EDC3: variants seen among roughly 807,000 people sequenced by gnomAD.
EDC3 encodes enhancer of mRNA-decapping protein 3.
A neutral mutation model predicts 41.8 loss-of-function variants in EDC3; 20 were observed. The ratio of observed to expected loss-of-function variants is 0.48; its 90% CI spans 0.34 to 0.70. The LOEUF (loss-of-function observed/expected upper bound fraction) is 0.70, where lower values mean the gene tolerates loss of function less well. EDC3 is among the 30% of genes least tolerant of loss of function. The pLI is 0.01. For synonymous variants in EDC3, 206 were observed against 243.2 expected, an observed-to-expected ratio of 0.85 and a Z score of 1.42; for missense variants, 444 against 636.8, an observed-to-expected ratio of 0.70 and a Z score of 3.26.
intron 2 of EDC3, among the ~76,000 whole-genome samples, chr15:74,674,566 T>C (rs765530845): frequency 4.6e-5 from 7 of 151,998 alleles, no homozygotes; most frequent in African/African-American, 9.7e-5. Context: ...CCACAAAAGA[T>C]AGAGAAAGCA....
At chr15:74,635,305 C>G (rs773974589) in intron 6 of EDC3, 104 bp downstream of exon 6, 1 of 1,064,090 alleles carries the variant, frequency 9.4e-7, no homozygotes, top group South Asian at 1.3e-5. Flanking sequence ...ACCATCCTTA[C>G]ACACGTAGTG....
At chr15:74,676,456 A>C (rs553507480) in intron 1 of EDC3, among the ~76,000 whole-genome samples, 1 of 152,236 alleles carries the variant, frequency 6.6e-6, no homozygotes, top group African/African-American at 2.4e-5. Context: ...GAAAATATTA[A>C]TAAAGTTGGT....
chr15:74,678,990 A>G (rs866765500), intron 1 of EDC3, among the ~76,000 whole-genome samples: 7 of 150,464 alleles, frequency 4.7e-5, no homozygotes, highest in African/African-American at 1.5e-4. Flanking sequence ...CAGGAGTTCA[A>G]GACCAGCCTG....
In EDC3 at chr15:74,671,740, T is replaced by G; in HGVS notation, c.199A>C (p.Ile67Leu). ...GDITELKILE[I>L]PGPGDNQHFG... ...TGTTGGTTGTCTCCAGGTCCTGGTA[T>G]CTCCAGAATTTTTAACTCCGTAATG... is the stretch of plus-strand genomic sequence containing the variant. The change falls in exon 3 of 7, where the codon ATA (isoleucine) becomes CTA (leucine). Residue 67 changes from isoleucine (I) to leucine (L), a missense_variant. Transcript: ENST00000315127. The surrounding 1 kb of genome is among the most constrained non-coding windows in gnomAD (Gnocchi z 4.6). The G allele has an allele frequency of 3.1e-6, 5 of 1,614,124 alleles. No individual in the cohort carries two copies. Among genetic ancestry groups the G allele is most frequent in the Middle Eastern group, 1.6e-4 (1 of 6,062 alleles).
chr15:74,683,577 A>G (rs1296945222), intron 1 of EDC3, among the ~76,000 whole-genome samples: 1 of 152,014 alleles, frequency 6.6e-6, no homozygotes, highest in Non-Finnish European at 1.5e-5. Flanking sequence ...CATCTTGACC[A>G]TATCAATGTC....
chr15:74,684,141 G>A (rs557479753), intron 1 of EDC3, among the ~76,000 whole-genome samples: 6 of 140,318 alleles, frequency 4.3e-5, no homozygotes, highest in Non-Finnish European at 7.6e-5. Context: ...GGGCTCAGGT[G>A]ATCCTCCCGC....
chr15:74,656,441 A>AC (rs61494161), intron 3 of EDC3, among the ~76,000 whole-genome samples: 14 of 151,788 alleles, frequency 9.2e-5, no homozygotes, highest in South Asian at 6.2e-4. Context: ...ACACACACAC[A>AC]AACAACAACA....
intron 1 of EDC3, among the ~76,000 whole-genome samples, chr15:74,677,360 T>G (rs960269808): frequency 1.6e-4 from 21 of 133,964 alleles, no homozygotes; most frequent in Non-Finnish European, 3.2e-4. Context: ...ATGCCCAGCC[T>G]TTTTTTTTTT....
intron 3 of EDC3, among the ~76,000 whole-genome samples, chr15:74,657,957 A>G (rs2062571300): frequency 6.6e-6 from 1 of 152,186 alleles, no homozygotes. Context: ...TAGAGGCCAC[A>G]CTAATGCACA....
At chr15:74,688,162 GA>G (rs2062960798) in intron 1 of EDC3, among the ~76,000 whole-genome samples, 1 of 152,118 alleles carries the variant, frequency 6.6e-6, no homozygotes, top group Non-Finnish European at 1.5e-5. Context: ...ATTCTATAAA[GA>G]AAATTATGCT....
Position 74,671,840 on chromosome 15 carries a change from AT to A in EDC3, c.165-67del, listed in dbSNP as rs1359295136. On this transcript the variant is annotated intron_variant, in intron 2 of 6. Coordinates refer to ENST00000315127, the MANE Select transcript of EDC3 (RefSeq NM_025083.5). The surrounding 1 kb of genome is among the most constrained non-coding windows in gnomAD (Gnocchi z 4.6). ...TGGTAAGAATGATGAAACTGAGATC[AT>A]TAGCAAACAGCTACCCCTTTGCAGG... 1 of 1,480,350 alleles carries A rather than the reference AT, an allele frequency of 6.8e-7. No individual in the cohort carries two copies. Among genetic ancestry groups the A allele is most frequent in the African/African-American group, 1.4e-5 (1 of 71,952 alleles). 91.7% of individuals were successfully genotyped at this position (1,480,350 alleles called of 1,614,324 possible).
chr15:74,632,562 G>C lies in EDC3; in HGVS notation c.*50C>G, dbSNP rs778483673. 1 of 1,583,696 alleles carries C rather than the reference G, an allele frequency of 6.3e-7. No individual in the cohort carries two copies. The highest frequency in any genetic ancestry group is 2.3e-5 in the East Asian group (1 of 44,438). ...GAAGCTTCATATCCTTAAGGCGTTT[G>C]TTATCAGGAGCAGCAGGGGACAGCA... On this transcript the variant is annotated 3_prime_UTR_variant, in exon 7 of 7. Coordinates refer to ENST00000315127, the MANE Select transcript of EDC3 (RefSeq NM_025083.5). This position sits in a 1 kb window ranked among gnomAD's most constrained non-coding sequence, Gnocchi z 4.0.
rs1040929364 is a variant in EDC3, at chr15:74,671,831, AC to A, written c.165-58del. The A allele has an allele frequency of 1.3e-6, 2 of 1,540,938 alleles. No homozygotes were observed. The highest frequency in any genetic ancestry group is 1.7e-4 in the Middle Eastern group (1 of 5,826). ...TTATAATAGTGGTAAGAATGATGAA[AC>A]TGAGATCATTAGCAAACAGCTACCC... On this transcript the variant is annotated intron_variant, in intron 2 of 6. Transcript: ENST00000315127. This position sits in a 1 kb window ranked among gnomAD's most constrained non-coding sequence, Gnocchi z 4.6.
intron 1 of EDC3, among the ~76,000 whole-genome samples, chr15:74,682,706 A>C (rs537793624): frequency 6.6e-6 from 1 of 152,084 alleles, no homozygotes; most frequent in East Asian, 1.9e-4. Context: ...TCCCAGAGAA[A>C]GGAAGACCTA....
chr15:74,646,886 A>AG (rs1300868210), intron 4 of EDC3, among the ~76,000 whole-genome samples: 1 of 152,074 alleles, frequency 6.6e-6, no homozygotes, highest in Non-Finnish European at 1.5e-5. Context: ...AAGGAAGGAG[A>AG]GACTCTGGGG....
rs547658959 is a variant in EDC3 at position 74,658,089 on chromosome 15, C to G, written c.485-2021G>C. Among the ~76,000 whole-genome samples the G allele has an allele frequency of 6.6e-5, 10 of 152,254 alleles. No individual in the cohort carries two copies. The East Asian group carries it at 1.9e-3, about 29-fold the overall frequency. On this transcript the variant is annotated intron_variant, in intron 3 of 6. Transcript: ENST00000315127. ...TCACAGAATTCTCCAAACCACCCAC[C>G]CCCAGAGAATCAAGCTCTGGTCTCC...
At chr15:74,634,682 G>T (rs776632086) in intron 6 of EDC3, among the ~76,000 whole-genome samples, 11 of 152,008 alleles carry the variant, frequency 7.2e-5, no homozygotes, top group Non-Finnish European at 1.3e-4. Context: ...CCAGTCTGTG[G>T]ATTCTATCTC....
At chr15:74,667,835 T>TG (rs1038365141) in intron 3 of EDC3, among the ~76,000 whole-genome samples, 43 of 152,186 alleles carry the variant, frequency 2.8e-4, no homozygotes, top group African/African-American at 1.0e-3. Context: ...GAAGATGCTG[T>TG]GTCCTCAAGG....
intron 3 of EDC3, among the ~76,000 whole-genome samples, chr15:74,669,096 C>T (rs989301635): frequency 7.2e-5 from 11 of 151,850 alleles, no homozygotes; most frequent in Non-Finnish European, 1.3e-4. Context: ...ATTAGCCGGG[C>T]GCAGTGGCTT....
Sources: allele counts gnomAD v4.1 joint callset (sites outside exome capture counted in the v4.1 genomes callset), GRCh38; gene constraint gnomAD v4.1.1; non-coding constraint Gnocchi (gnomAD v3.1); transcripts MANE v1.5; gene names NCBI Gene and HGNC (gene_info 2026-07-23, HGNC 2026-07-21).